COMMD10: variants seen among roughly 807,000 people sequenced by gnomAD.
The protein encoded by COMMD10 is COMM domain-containing protein 10.
A neutral mutation model predicts 28.9 loss-of-function variants in COMMD10; 33 were observed. The ratio of observed to expected loss-of-function variants is 1.14; its 90% CI spans 0.87 to 1.53. COMMD10 has a LOEUF of 1.53. Ranked by LOEUF, COMMD10 falls within the 40% of genes most tolerant of loss-of-function variation. The probability of loss-of-function intolerance (pLI) is 0.00; values close to 1 mark genes in which losing one functional copy is unlikely to be tolerated. For synonymous variants in COMMD10, 110 were observed against 81.7 expected, an observed-to-expected ratio of 1.35 and a Z score of -1.87; for missense variants, 310 against 233.4, an observed-to-expected ratio of 1.33 and a Z score of -2.14.
chr5:116,165,259 C>T lies in COMMD10; in HGVS notation c.510+31081C>T, dbSNP rs576536417. ...AGGCTATTTAAAATATCCCCTTAAT[C>T]GAGTTCTCCTGGCTTTCATGCTTTG... On this transcript the variant is annotated intron_variant, in intron 5 of 6. Coordinates refer to ENST00000274458, the MANE Select transcript of COMMD10 (RefSeq NM_016144.4). Among the ~76,000 whole-genome samples the T allele has an allele frequency of 4.6e-5, 7 of 152,258 alleles. No individual in the cohort carries two copies. In the South Asian group the frequency reaches 1.0e-3, roughly 23 times the overall value.
intron 5 of COMMD10, among the ~76,000 whole-genome samples, chr5:116,207,145 T>C (rs1385989258): frequency 6.6e-6 from 1 of 152,242 alleles, no homozygotes; most frequent in African/African-American, 2.4e-5. Flanking sequence ...ATTATATCAC[T>C]ATGTCAGTAT....
intron 5 of COMMD10, among the ~76,000 whole-genome samples, chr5:116,289,425 G>A (rs948993863): frequency 6.6e-6 from 1 of 151,766 alleles, no homozygotes; most frequent in Non-Finnish European, 1.5e-5. Flanking sequence ...ACCCCAGCTG[G>A]GAGTTCTAGG....
chr5:116,292,415 A>G, intron 6 of COMMD10, 36 bp from the exon 7 acceptor site: 9 of 1,434,914 alleles, frequency 6.3e-6, no homozygotes, highest in Non-Finnish European at 8.3e-6. Context: ...CGTTCCCTTC[A>G]CTAACGTCTT....
intron 5 of COMMD10, among the ~76,000 whole-genome samples, chr5:116,268,192 T>G (rs1421195814): frequency 6.6e-6 from 1 of 151,834 alleles, no homozygotes; most frequent in Non-Finnish European, 1.5e-5. Flanking sequence ...ATGTTTGCAA[T>G]CTACCCATCT....
chr5:116,254,504 T>G (rs1380919930), intron 5 of COMMD10, among the ~76,000 whole-genome samples: 1 of 151,122 alleles, frequency 6.6e-6, no homozygotes, highest in Non-Finnish European at 1.5e-5. Flanking sequence ...TGTGTCTTTG[T>G]TCTTGTTGGT....
intron 5 of COMMD10, among the ~76,000 whole-genome samples, chr5:116,271,874 G>C (rs1750769360): frequency 6.6e-6 from 1 of 151,690 alleles, no homozygotes; most frequent in Admixed American, 6.6e-5. Context: ...TCCCAACTCT[G>C]TGATACAAAT....
intron 5 of COMMD10, among the ~76,000 whole-genome samples, chr5:116,222,610 A>C (rs1336587320): frequency 6.6e-6 from 1 of 152,206 alleles, no homozygotes. Context: ...TCTTACAAGA[A>C]ATTATCTCAG....
chr5:116,132,267 A>G (rs1445551382), intron 4 of COMMD10, among the ~76,000 whole-genome samples: 6 of 152,160 alleles, frequency 3.9e-5, no homozygotes, highest in African/African-American at 1.4e-4. Flanking sequence ...TTAGGTGTGC[A>G]TGTTATTGGA....
At chr5:116,186,079 A>G (rs958171311) in intron 5 of COMMD10, among the ~76,000 whole-genome samples, 6 of 152,020 alleles carry the variant, frequency 3.9e-5, no homozygotes, top group Non-Finnish European at 5.9e-5. Context: ...CTCCATCTTC[A>G]TTATCTTTCT....
intron 5 of COMMD10, among the ~76,000 whole-genome samples, chr5:116,284,647 CTACTT>C (rs1751170719): frequency 6.6e-6 from 1 of 151,836 alleles, no homozygotes; most frequent in Non-Finnish European, 1.5e-5. Context: ...GCCTATGAAA[CTACTT>C]TAACCAGGAG....
chr5:116,289,700 C>G (rs1751315731), intron 5 of COMMD10, among the ~76,000 whole-genome samples: 1 of 151,874 alleles, frequency 6.6e-6, no homozygotes, highest in African/African-American at 2.4e-5. Flanking sequence ...GGTTGCTCCG[C>G]TATTCCACAT....
At chr5:116,182,053 A>G (rs183968050) in intron 5 of COMMD10, among the ~76,000 whole-genome samples, 3 of 152,208 alleles carry the variant, frequency 2.0e-5, no homozygotes, top group Admixed American at 2.0e-4. Flanking sequence ...GACAAGAACA[A>G]GGAGATGATT....
intron 5 of COMMD10, among the ~76,000 whole-genome samples, chr5:116,197,989 T>C (rs772622940): frequency 5.9e-5 from 9 of 152,180 alleles, no homozygotes; most frequent in Non-Finnish European, 1.2e-4. Context: ...TGATGTACCC[T>C]CCCTGCTGTC....
chr5:116,268,917 G>A (rs1476622890), intron 5 of COMMD10, among the ~76,000 whole-genome samples: 1 of 151,226 alleles, frequency 6.6e-6, no homozygotes, highest in Non-Finnish European at 1.5e-5. Context: ...TGGACACAGA[G>A]AGAGGAACAT....
At chr5:116,105,170 G>C (rs1210736320) in intron 4 of COMMD10, among the ~76,000 whole-genome samples, 1 of 152,116 alleles carries the variant, frequency 6.6e-6, no homozygotes, top group Non-Finnish European at 1.5e-5. Context: ...TAGCACAAAG[G>C]GCTGTTGAAT....
At chr5:116,250,026 G>C (rs1750063856) in intron 5 of COMMD10, among the ~76,000 whole-genome samples, 1 of 151,824 alleles carries the variant, frequency 6.6e-6, no homozygotes, top group Non-Finnish European at 1.5e-5. Context: ...TTCATTTTAT[G>C]AATAATGATA....
Position 116,112,815 on chromosome 5 carries a change from T to A in COMMD10, c.399+20115T>A, listed in dbSNP as rs1447135230. Reference sequence around the variant, plus strand: ...TGTCATATTGTTTTTTTCATCATTTTGTAAACTTTTGGGTTTTTTGTCTGT... The same window carrying A: ...TGTCATATTGTTTTTTTCATCATTTAGTAAACTTTTGGGTTTTTTGTCTGT... On this transcript the variant is annotated intron_variant, in intron 4 of 6. Transcript: ENST00000274458. Among the ~76,000 whole-genome samples the A allele has an allele frequency of 2.0e-5, 3 of 152,258 alleles. No homozygotes were observed. The South Asian group carries it at 6.2e-4, about 31-fold the overall frequency.
chr5:116,255,677 A>G (rs1158798897), intron 5 of COMMD10: 1 of 151,610 alleles, frequency 6.6e-6, no homozygotes, highest in Non-Finnish European at 1.5e-5. Flanking sequence ...TAATAATAGC[A>G]TAAGCTAACA....
intron 5 of COMMD10, among the ~76,000 whole-genome samples, chr5:116,245,209 T>C (rs759570574): frequency 2.0e-5 from 3 of 152,082 alleles, no homozygotes; most frequent in African/African-American, 4.8e-5. Context: ...CGGAGGATAT[T>C]ATGAATACTT....
Sources: allele counts gnomAD v4.1 joint callset (sites outside exome capture counted in the v4.1 genomes callset), GRCh38; gene constraint gnomAD v4.1.1; transcripts MANE v1.5; gene names NCBI Gene and HGNC (gene_info 2026-07-23, HGNC 2026-07-21).